Variants in CC2D2A observed in about 807,000 individuals in gnomAD.
The protein encoded by CC2D2A is coiled-coil and C2 domain-containing protein 2A.
CC2D2A carries 155 observed loss-of-function variants against 212.9 expected under a neutral mutation model. That is an observed-to-expected ratio of 0.73 (90% confidence interval 0.64 to 0.83). The LOEUF (loss-of-function observed/expected upper bound fraction) is 0.83, where lower values mean the gene tolerates loss of function less well. Among genes scored for constraint, CC2D2A ranks in the 40% least tolerant of loss-of-function variants. The pLI, the probability that CC2D2A is intolerant of heterozygous loss-of-function variation, is 0.00. For synonymous variants in CC2D2A, 667 were observed against 686.5 expected, an observed-to-expected ratio of 0.97 and a Z score of 0.44; for missense variants, 1,856 against 1,956.2, an observed-to-expected ratio of 0.95 and a Z score of 0.97.
chr4:15,481,129 G>C, intron 4 of CC2D2A: 1 of 470,730 alleles, frequency 2.1e-6, no homozygotes, highest in Admixed American at 2.3e-5. Flanking sequence ...GGTCATGAGG[G>C]CACAACTCAT....
At chr4:15,553,384 G>T in intron 19 of CC2D2A, 79 bp downstream of exon 19, 1 of 1,467,868 alleles carries the variant, frequency 6.8e-7, no homozygotes, top group South Asian at 1.2e-5. Flanking sequence ...AAAGCTTGCA[G>T]TATCATATTC....
rs545563819 is a variant in CC2D2A, at chr4:15,542,560, C to CT, written c.2181+1546_2181+1547insT. Among the ~76,000 whole-genome samples, 30 of 152,320 alleles carry CT rather than the reference C, an allele frequency of 2.0e-4. No individual in the cohort carries two copies. The South Asian group carries it at 6.0e-3, about 31-fold the overall frequency. ...AATACAGTACTTCAGGTAGCCACTACCTATTCCTAGTGAGTATGACTGACA... is the reference window on the plus strand; with the variant it reads ...AATACAGTACTTCAGGTAGCCACTACTCTATTCCTAGTGAGTATGACTGACA... On this transcript the variant is annotated intron_variant, in intron 17 of 36. Transcript: ENST00000424120.
chr4:15,576,849 A>C (rs1329005692), intron 29 of CC2D2A, among the ~76,000 whole-genome samples: 1 of 152,258 alleles, frequency 6.6e-6, no homozygotes, highest in Non-Finnish European at 1.5e-5. Flanking sequence ...GAATCTAAGA[A>C]GTCATCAGTC....
intron 4 of CC2D2A, among the ~76,000 whole-genome samples, chr4:15,496,922 A>C (rs1326750429): frequency 1.3e-5 from 2 of 152,204 alleles, no homozygotes; most frequent in African/African-American, 4.8e-5. Context: ...GATAACACAA[A>C]CAAATGAAAA....
intron 4 of CC2D2A, chr4:15,481,346 T>C: frequency 2.7e-6 from 1 of 371,370 alleles, no homozygotes; most frequent in South Asian, 2.0e-5. Context: ...CCATCTCTAC[T>C]AAAAATACAA....
intron 1 of CC2D2A, among the ~76,000 whole-genome samples, chr4:15,470,658 T>C (rs986515523): frequency 5.6e-5 from 4 of 71,364 alleles, no homozygotes; most frequent in African/African-American, 3.0e-4. Flanking sequence ...AATCTCTCTC[T>C]CTCTCTCTCT....
At chr4:15,569,927 G>C (rs999291392) in intron 27 of CC2D2A, among the ~76,000 whole-genome samples, 1 of 152,174 alleles carries the variant, frequency 6.6e-6, no homozygotes, top group African/African-American at 2.4e-5. Flanking sequence ...ATGCAGCCCA[G>C]CAAGTCCCAG....
intron 6 of CC2D2A, among the ~76,000 whole-genome samples, chr4:15,504,823 A>G (rs1460600225): frequency 6.6e-6 from 1 of 152,228 alleles, no homozygotes; most frequent in African/African-American, 2.4e-5. Context: ...TCACAGCCAC[A>G]TTTCTTCATG....
chr4:15,561,031 A>T (rs1269617611), intron 23 of CC2D2A, among the ~76,000 whole-genome samples: 1 of 152,058 alleles, frequency 6.6e-6, no homozygotes, highest in Non-Finnish European at 1.5e-5. Context: ...CCCCACCCAC[A>T]AGCTTCTGGG....
At chr4:15,591,391 G>T (rs1721101084) in intron 33 of CC2D2A, among the ~76,000 whole-genome samples, 1 of 151,898 alleles carries the variant, frequency 6.6e-6, no homozygotes. Context: ...AGCTAATTTT[G>T]TATTTTTAGT....
chr4:15,584,122 A>G (rs1473065106), intron 30 of CC2D2A, among the ~76,000 whole-genome samples: 1 of 152,112 alleles, frequency 6.6e-6, no homozygotes. Context: ...TCAAAATACC[A>G]AGACATTCTT....
rs577342812 is a variant in CC2D2A at position 15,587,708 on chromosome 4, C to A, written c.4066-108C>A. On this transcript the variant is annotated intron_variant, in intron 31 of 36. Transcript: ENST00000424120. ...CAAAATTTCGGGCAAGATTATAGGTCTTACACTTCAAGACACTAACCTCTA... is the reference window on the plus strand; with the variant it reads ...CAAAATTTCGGGCAAGATTATAGGTATTACACTTCAAGACACTAACCTCTA... 44 of 612,114 alleles carry A rather than the reference C, an allele frequency of 7.2e-5. 1 individual carries two copies. In the South Asian group the frequency reaches 8.9e-4, roughly 12 times the overall value. The allele number at this position is 612,114 out of a possible 1,614,324, so 37.9% of individuals were successfully genotyped here.
chr4:15,599,545 A>C lies in CC2D2A; in HGVS notation c.4513A>C (p.Lys1505Gln). ...TGTGAACAGGATTGAAAAAATACTA[A>C]AAGAAAAAATCATGGACTGGAGGCC... ...ELQDRIEKIL[K>Q]EKIMDWRPRH... is the part of the protein sequence containing the mutation. The change falls in exon 36 of 37, where the codon AAA becomes CAA. Residue 1505 changes from lysine to glutamine, a missense_variant. Around this residue, in one of 5 missense-constraint regions of CC2D2A, gnomAD observed 285 missense variants for 278.4 expected, o/e 1.02. Transcript: ENST00000424120. The C allele has an allele frequency of 1.3e-6, 2 of 1,566,798 alleles. No homozygotes were observed. The highest frequency in any genetic ancestry group is 1.7e-6 in the Non-Finnish European group (2 of 1,152,938).
In CC2D2A at chr4:15,579,920, T is replaced by C. The variant is rs779052819; in HGVS notation, c.3772-48T>C. 1.5e-5 allele frequency: 22 copies of C among 1,467,642 alleles called. No homozygotes were observed. In the Admixed American group the frequency reaches 3.7e-4, roughly 25 times the overall value. The allele number at this position is 1,467,642 out of a possible 1,614,324, so 90.9% of individuals were successfully genotyped here. ...GACTGTGGAATCTGAACACGTACTT[T>C]CTCTCTTGTAATCATACATAAACTC... On this transcript the variant is annotated intron_variant, in intron 29 of 36. Transcript: ENST00000424120.
chr4:15,541,093 C>G (rs917870021), intron 17 of CC2D2A, 79 bp downstream of exon 17: 1 of 1,197,138 alleles, frequency 8.4e-7, no homozygotes. Context: ...GGGCAGATCA[C>G]TTAAGGCCAG....
intron 4 of CC2D2A, among the ~76,000 whole-genome samples, chr4:15,494,772 T>A (rs1213504801): frequency 1.3e-5 from 2 of 152,200 alleles, no homozygotes; most frequent in African/African-American, 4.8e-5. Context: ...ACATTTTTTT[T>A]AATCCTCAAA....
intron 11 of CC2D2A, among the ~76,000 whole-genome samples, chr4:15,517,174 C>T (rs1173922963): frequency 1.3e-5 from 2 of 151,986 alleles, no homozygotes; most frequent in African/African-American, 4.8e-5. Context: ...GTCTCGATCT[C>T]CTGACCTCGT....
At chr4:15,479,217 A>C in intron 3 of CC2D2A, 1 of 1,535,960 alleles carries the variant, frequency 6.5e-7, no homozygotes, top group Non-Finnish European at 8.7e-7. Context: ...TCTGTCTTTG[A>C]GGCAGAAGCC....
At chr4:15,560,403 G>A (rs1719516282) in intron 22 of CC2D2A, 128 bp from the exon 23 acceptor site, 2 of 567,392 alleles carry the variant, frequency 3.5e-6, no homozygotes, top group Non-Finnish European at 3.2e-6. Flanking sequence ...CATTGCAGAG[G>A]AAAGTAACAG....
Sources: gnomAD v4.1 joint callset for allele counts (sites outside exome capture counted in the v4.1 genomes callset) on GRCh38, gnomAD v4.1.1 for gene constraint, gnomAD v4.1.1 regional missense constraint, MANE v1.5 for transcripts, NCBI Gene and HGNC (gene_info 2026-07-23, HGNC 2026-07-21) for gene names.